Variants in DYSF observed in about 807,000 individuals in gnomAD.
DYSF encodes dystrophy-associated fer-1-like 1.
DYSF carries 212 observed loss-of-function variants against 274.9 expected under a neutral mutation model. The observed-to-expected ratio is 0.77, with a 90% CI of 0.69 to 0.86. DYSF has a LOEUF of 0.86. DYSF is among the 40% of genes least tolerant of loss of function. The probability of loss-of-function intolerance (pLI) is 0.00; values close to 1 mark genes in which losing one functional copy is unlikely to be tolerated. For synonymous variants in DYSF, 1,091 were observed against 1,078.7 expected, an observed-to-expected ratio of 1.01 and a Z score of -0.22; for missense variants, 2,666 against 2,783.2, an observed-to-expected ratio of 0.96 and a Z score of 0.95.
At chr2:71,566,228 C>T (rs367574517) in intron 24 of DYSF, among the ~76,000 whole-genome samples, 1 of 36,194 alleles carries the variant, frequency 2.8e-5, no homozygotes, top group South Asian at 1.0e-3. Flanking sequence ...GTGGCGGGGG[C>T]GGGGCGGGGG....
At chr2:71,669,772 G>A in intron 51 of DYSF, 26 bp downstream of exon 51, 1 of 1,614,064 alleles carries the variant, frequency 6.2e-7, no homozygotes, top group Non-Finnish European at 8.5e-7. Flanking sequence ...ATTCCCTGTG[G>A]TGCCAGCACC....
chr2:71,571,872 A>G (rs1410281096), intron 29 of DYSF, among the ~76,000 whole-genome samples: 1 of 142,906 alleles, frequency 7.0e-6, no homozygotes, highest in Admixed American at 6.9e-5. Context: ...CACAGATCAC[A>G]CCCAGCACAC....
chr2:71,643,903 C>T, intron 41 of DYSF, 62 bp from the exon 42 acceptor site: 1 of 1,374,920 alleles, frequency 7.3e-7, no homozygotes, highest in Non-Finnish European at 1.0e-6. Context: ...GTTTCCAACT[C>T]TGAAGAATGC....
intron 30 of DYSF, among the ~76,000 whole-genome samples, chr2:71,580,184 C>T (rs2092839245): frequency 6.6e-6 from 1 of 152,240 alleles, no homozygotes; most frequent in South Asian, 2.1e-4. Flanking sequence ...GGCTTCTCCT[C>T]ACCTGATAGC....
Position 71,581,170 on chromosome 2 carries a change from C to T in DYSF, c.3402+6799C>T, listed in dbSNP as rs372312024. 3.3e-4 allele frequency among the ~76,000 whole-genome samples: 51 copies of T among 152,314 alleles called. No individual in the cohort carries two copies. In the East Asian group the frequency reaches 6.0e-3, roughly 18 times the overall value. The stretch of plus-strand genomic sequence containing the variant: ...CTGCTCCAGTGTTCTCTGCAACATC[C>T]GCATGTGGAGACATGGAAACCCTAG... On this transcript the variant is annotated intron_variant, in intron 30 of 55. Coordinates refer to ENST00000410020, the MANE Select transcript of DYSF (RefSeq NM_001130987.2).
intron 32 of DYSF, among the ~76,000 whole-genome samples, chr2:71,596,144 CG>C (rs1310654514): frequency 6.6e-6 from 1 of 151,756 alleles, no homozygotes; most frequent in African/African-American, 2.4e-5. Flanking sequence ...CTCCCATGGG[CG>C]GGTGGGGCAC....
intron 42 of DYSF, among the ~76,000 whole-genome samples, chr2:71,649,137 C>CAAAAAAAA (rs376775027): frequency 2.2e-5 from 2 of 89,718 alleles, no homozygotes; most frequent in African/African-American, 4.4e-5. Context: ...ACTTTGTCTC[C>CAAAAAAAA]AAAAAAAAAA....
rs1193656313 is a variant in DYSF, at chr2:71,485,986, G to A, written c.239+4016G>A. On this transcript the variant is annotated intron_variant, in intron 3 of 55. Transcript: ENST00000410020. ...GAGCCACCGCGCCCAGCCCTTCAATGAGCATTTTAAATTGAAGACCTCCTC... is the reference window on the plus strand; with the variant it reads ...GAGCCACCGCGCCCAGCCCTTCAATAAGCATTTTAAATTGAAGACCTCCTC... 1.4e-4 allele frequency among the ~76,000 whole-genome samples: 21 copies of A among 152,016 alleles called. No homozygotes were observed. The East Asian group carries it at 3.5e-3, about 25-fold the overall frequency.
At chr2:71,526,418 T>TGGGGGGGGGGGGGGGTTG in intron 13 of DYSF, 72 bp downstream of exon 13, 1 of 261,500 alleles carries the variant, frequency 3.8e-6, no homozygotes, top group Non-Finnish European at 7.0e-6. Flanking sequence ...GGGTGGGCGA[T>TGGGGGGGGGGGGGGGTTG]GGCGGGCGGG....
At chr2:71,458,078 C>T (rs992423309) in intron 1 of DYSF, among the ~76,000 whole-genome samples, 2 of 152,160 alleles carry the variant, frequency 1.3e-5, no homozygotes, top group Non-Finnish European at 2.9e-5. Context: ...ACTTTTCAAG[C>T]TATGTGGCTT....
chr2:71,475,266 T>G (rs1467194859), intron 1 of DYSF, among the ~76,000 whole-genome samples: 1 of 152,200 alleles, frequency 6.6e-6, no homozygotes, highest in African/African-American at 2.4e-5. Context: ...AAACAGCGCT[T>G]CTATCCTCTT....
intron 1 of DYSF, chr2:71,454,229 C>A (rs2080957036): frequency 1.2e-6 from 1 of 816,448 alleles, no homozygotes; most frequent in Admixed American, 2.1e-5. Context: ...GTTGCAACGA[C>A]ACAGGTCTGC....
At position 71,620,738 on chromosome 2, in the gene DYSF, G is replaced by C. The variant is rs2094076673; in HGVS notation, c.4527+129G>C. On this transcript the variant is annotated intron_variant, in intron 41 of 55. Transcript: ENST00000410020. Reference sequence around the variant, plus strand: ...GAGGTATTTCCTGAGCCCTAGCAGGGAAGTCACCTATCTTTGCCTCACTGA... The same window carrying C: ...GAGGTATTTCCTGAGCCCTAGCAGGCAAGTCACCTATCTTTGCCTCACTGA... 3 of 981,218 alleles carry C rather than the reference G, an allele frequency of 3.1e-6. No individual in the cohort carries two copies. In the African/African-American group the frequency reaches 4.9e-5, roughly 16 times the overall value. The allele number at this position is 981,218 out of a possible 1,614,324, so 60.8% of individuals were successfully genotyped here.
intron 27 of DYSF, 116 bp from the exon 28 acceptor site, chr2:71,570,099 ACTGACTCTGGGGCT>A: frequency 1.9e-6 from 2 of 1,078,840 alleles, no homozygotes; most frequent in Non-Finnish European, 2.8e-6. Context: ...GTGGCAGGAC[ACTGACTCTGGGGCT>A]CTGCCCTTCT....
intron 32 of DYSF, among the ~76,000 whole-genome samples, chr2:71,591,840 C>T (rs2093274986): frequency 2.6e-5 from 4 of 152,250 alleles, no homozygotes. Context: ...GTGGCCCATC[C>T]TCCAGCTCTG....
intron 48 of DYSF, 47 bp downstream of exon 48, chr2:71,667,562 C>T (rs1254157295): frequency 6.2e-7 from 1 of 1,611,532 alleles, no homozygotes; most frequent in Non-Finnish European, 8.5e-7. Context: ...CTCCAGAAAG[C>T]CCCAACCCCA....
chr2:71,493,851 CAAAAA>C lies in DYSF; in HGVS notation c.240-9344_240-9340del, dbSNP rs145288384. ...TGGGTGATAGAGTGATACTCTGTCT[CAAAAA>C]AAAAAAAAAAAAAAAAAAGAAAGAA... On this transcript the variant is annotated intron_variant, in intron 3 of 55. Transcript: ENST00000410020. Among the ~76,000 whole-genome samples, 12 of 69,318 alleles carry C rather than the reference CAAAAA, an allele frequency of 1.7e-4. No homozygotes were observed. The East Asian group carries it at 2.8e-3, about 16-fold the overall frequency. 45.5% of individuals were successfully genotyped at this position (69,318 alleles called of 152,430 possible).
intron 1 of DYSF, among the ~76,000 whole-genome samples, chr2:71,454,737 A>C (rs1007740933): frequency 2.0e-5 from 3 of 152,192 alleles, no homozygotes; most frequent in African/African-American, 4.8e-5. Flanking sequence ...TTCTATCATC[A>C]GAGTGAGGCC....
chr2:71,495,702 C>T (rs559655157), intron 3 of DYSF, among the ~76,000 whole-genome samples: 4 of 152,228 alleles, frequency 2.6e-5, no homozygotes, highest in East Asian at 2.0e-4. Flanking sequence ...CACCAGGGGC[C>T]GTGGTCCTCT....
Sources: allele counts gnomAD v4.1 joint callset (sites outside exome capture counted in the v4.1 genomes callset), GRCh38; gene constraint gnomAD v4.1.1; transcripts MANE v1.5; gene names NCBI Gene and HGNC (gene_info 2026-07-23, HGNC 2026-07-21).